CAMK2D: variants seen among roughly 807,000 people sequenced by gnomAD.
The protein encoded by CAMK2D is calcium/calmodulin dependent protein kinase II delta, also known as calcium/calmodulin-dependent protein kinase type II subunit delta.
Under a neutral mutation model 84.0 loss-of-function variants are expected in CAMK2D, and 37 were observed. The ratio of observed to expected loss-of-function variants is 0.44; its 90% CI spans 0.34 to 0.58. CAMK2D has a LOEUF of 0.58. Among genes scored for constraint, CAMK2D ranks in the 20% least tolerant of loss-of-function variants. The pLI is 0.02. For missense variants in CAMK2D, 448 were observed against 652.5 expected, an observed-to-expected ratio of 0.69 and a Z score of 3.41; for synonymous variants, 202 against 212.5, an observed-to-expected ratio of 0.95 and a Z score of 0.43.
intron 3 of CAMK2D, among the ~76,000 whole-genome samples, chr4:113,643,735 C>T (rs2099141138): frequency 6.6e-6 from 1 of 152,198 alleles, no homozygotes; most frequent in Non-Finnish European, 1.5e-5. Flanking sequence ...TGGCTCTTTG[C>T]CTTGATTCCA....
At chr4:113,590,877 T>A (rs536230251) in intron 4 of CAMK2D, among the ~76,000 whole-genome samples, 1 of 152,298 alleles carries the variant, frequency 6.6e-6, no homozygotes, top group South Asian at 2.1e-4. Context: ...AATACATGTA[T>A]ACATCAAGAA....
intron 1 of CAMK2D, 72 bp downstream of exon 1, chr4:113,760,932 G>A: frequency 1.3e-6 from 2 of 1,589,054 alleles, no homozygotes; most frequent in Non-Finnish European, 8.6e-7. Context: ...GACGGAGGCC[G>A]GTGGGTCGGG....
intron 6 of CAMK2D, 60 bp downstream of exon 6, chr4:113,547,584 G>A: frequency 9.2e-7 from 1 of 1,086,288 alleles, no homozygotes. Context: ...AGGCATAATT[G>A]CAGCTGAACA....
chr4:113,713,160 T>C (rs948674565), intron 2 of CAMK2D, among the ~76,000 whole-genome samples: 1 of 151,928 alleles, frequency 6.6e-6, no homozygotes, highest in African/African-American at 2.4e-5. Flanking sequence ...GTTCACTTTT[T>C]CCCTCATTTA....
chr4:113,745,773 T>G (rs1174350472), intron 2 of CAMK2D, among the ~76,000 whole-genome samples: 1 of 152,232 alleles, frequency 6.6e-6, no homozygotes, highest in Non-Finnish European at 1.5e-5. Flanking sequence ...GAATAGGATT[T>G]CTGACCCAGA....
chr4:113,748,083 G>A (rs1288913902), intron 2 of CAMK2D, among the ~76,000 whole-genome samples: 1 of 151,904 alleles, frequency 6.6e-6, no homozygotes, highest in African/African-American at 2.4e-5. Flanking sequence ...TCAAACATCA[G>A]CTCCTCTAGG....
chr4:113,645,268 A>T (rs2099147274), intron 3 of CAMK2D, among the ~76,000 whole-genome samples: 1 of 152,166 alleles, frequency 6.6e-6, no homozygotes, highest in African/African-American at 2.4e-5. Flanking sequence ...CGCCCGCCTC[A>T]GCCTCCAAAA....
At chr4:113,612,345 T>C (rs1352159617) in intron 3 of CAMK2D, among the ~76,000 whole-genome samples, 2 of 152,210 alleles carry the variant, frequency 1.3e-5, no homozygotes, top group African/African-American at 4.8e-5. Flanking sequence ...TTCTCAAGGA[T>C]TGAAAATCAT....
chr4:113,714,758 T>C (rs994298163), intron 2 of CAMK2D, among the ~76,000 whole-genome samples: 2 of 152,136 alleles, frequency 1.3e-5, no homozygotes, highest in Admixed American at 6.6e-5. Context: ...GTCATTTCTT[T>C]GGGTCTCCAT....
At chr4:113,713,908 G>A (rs181431114) in intron 2 of CAMK2D, among the ~76,000 whole-genome samples, 2 of 150,660 alleles carry the variant, frequency 1.3e-5, no homozygotes, top group Admixed American at 6.6e-5. Flanking sequence ...CATTTATTTG[G>A]TTTTTTTTGT....
intron 7 of CAMK2D, among the ~76,000 whole-genome samples, chr4:113,533,021 C>T (rs2098468549): frequency 6.6e-6 from 1 of 151,852 alleles, no homozygotes; most frequent in Non-Finnish European, 1.5e-5. Context: ...AATCAGTAAA[C>T]TTTAATAATG....
chr4:113,528,071 A>G (rs775051213), intron 8 of CAMK2D, among the ~76,000 whole-genome samples: 10 of 152,258 alleles, frequency 6.6e-5, no homozygotes, highest in Admixed American at 1.3e-4. Context: ...GAAAGCAGAG[A>G]GAGGGAGAGA....
At chr4:113,548,625 T>G (rs1327791026) in intron 5 of CAMK2D, 1 of 1,128,652 alleles carries the variant, frequency 8.9e-7, no homozygotes, top group Non-Finnish European at 1.3e-6. Flanking sequence ...TAAAACTGCT[T>G]TGATTCAGAT....
intron 4 of CAMK2D, among the ~76,000 whole-genome samples, chr4:113,573,278 C>G (rs1303281276): frequency 2.0e-5 from 3 of 152,178 alleles, no homozygotes; most frequent in South Asian, 2.1e-4. Context: ...CATACAATCT[C>G]TAAGTCACCA....
chr4:113,693,039 C>T (rs1360277843), intron 2 of CAMK2D, among the ~76,000 whole-genome samples: 1 of 152,120 alleles, frequency 6.6e-6, no homozygotes, highest in African/African-American at 2.4e-5. Context: ...CTCTGACCTA[C>T]AGGAGATGTA....
At chr4:113,701,718 G>GC (rs1561921824) in intron 2 of CAMK2D, among the ~76,000 whole-genome samples, 1 of 150,848 alleles carries the variant, frequency 6.6e-6, no homozygotes, top group East Asian at 1.9e-4. Flanking sequence ...TTGTTGTTTT[G>GC]TTTTTTTTTG....
chr4:113,690,523 G>A (rs1309308952), intron 2 of CAMK2D, among the ~76,000 whole-genome samples: 1 of 152,108 alleles, frequency 6.6e-6, no homozygotes, highest in Non-Finnish European at 1.5e-5. Context: ...TGGATAAACT[G>A]AGGCAACAGT....
At chr4:113,456,232 T>C (rs985846301) in intron 19 of CAMK2D, among the ~76,000 whole-genome samples, 2 of 152,198 alleles carry the variant, frequency 1.3e-5, no homozygotes, top group Non-Finnish European at 2.9e-5. Flanking sequence ...ATGGATTCTC[T>C]GGAGTGAGTT....
chr4:113,502,885 T>G, intron 15 of CAMK2D, 51 bp downstream of exon 15: 442 of 1,189,370 alleles, frequency 3.7e-4, no homozygotes, highest in Non-Finnish European at 5.0e-4. Context: ...GAATATTTGA[T>G]GAGATGTATA....
Sources: gnomAD v4.1 joint callset for allele counts (sites outside exome capture counted in the v4.1 genomes callset) on GRCh38, gnomAD v4.1.1 for gene constraint, MANE v1.5 for transcripts, NCBI Gene and HGNC (gene_info 2026-07-23, HGNC 2026-07-21) for gene names.